Variants in ADAMTS17 observed in about 807,000 individuals in gnomAD.
ADAMTS17 encodes ADAM metallopeptidase with thrombospondin type 1 motif 17, also known as A disintegrin and metalloproteinase with thrombospondin motifs 17.
A neutral mutation model predicts 141.5 loss-of-function variants in ADAMTS17; 113 were observed. That is an observed-to-expected ratio of 0.80 (90% confidence interval 0.69 to 0.93). The LOEUF is 0.93. ADAMTS17 is among the 40% of genes least tolerant of loss of function. The pLI, the probability that ADAMTS17 is intolerant of heterozygous loss-of-function variation, is 0.00. For synonymous variants in ADAMTS17, 768 were observed against 630.6 expected (o/e 1.22, Z -3.27); for missense variants, 1,659 against 1,517.9 (o/e 1.09, Z -1.54).
intron 3 of ADAMTS17, among the ~76,000 whole-genome samples, chr15:100,307,148 C>A (rs1289150593): frequency 6.6e-6 from 1 of 152,174 alleles, no homozygotes; most frequent in African/African-American, 2.4e-5. Context: ...CTTCTGAGGA[C>A]CACACCAAAC....
rs540176800 is a variant in ADAMTS17 at position 100,000,418 on chromosome 15, TC to T, written c.2592-2830del. The stretch of plus-strand genomic sequence containing the variant: ...TTTTCTACTCAGTCACGACTTTTCT[TC>T]CAGAGGACAACATGGCCCAGATGTG... On this transcript the variant is annotated intron_variant, in intron 18 of 21. Coordinates refer to ENST00000268070, the MANE Select transcript of ADAMTS17 (RefSeq NM_139057.4). Among the ~76,000 whole-genome samples the T allele has an allele frequency of 1.1e-3, 165 of 152,294 alleles. 1 individual carries two copies. The highest frequency in any genetic ancestry group is 2.0e-3 in the Non-Finnish European group (137 of 68,022).
chr15:100,149,509 C>T (rs1379132599), intron 10 of ADAMTS17, among the ~76,000 whole-genome samples: 3 of 152,188 alleles, frequency 2.0e-5, no homozygotes. Flanking sequence ...CTGCTTTGAC[C>T]TGAGTCACCC....
chr15:100,056,314 G>A (rs1036985214), intron 15 of ADAMTS17, among the ~76,000 whole-genome samples: 1 of 152,258 alleles, frequency 6.6e-6, no homozygotes, highest in South Asian at 2.1e-4. Flanking sequence ...GTGTGGGCTG[G>A]TGGGAAGGAG....
At chr15:100,316,814 T>C (rs955511636) in intron 3 of ADAMTS17, among the ~76,000 whole-genome samples, 3 of 152,184 alleles carry the variant, frequency 2.0e-5, no homozygotes, top group Non-Finnish European at 2.9e-5. Context: ...TGAGGAAAGG[T>C]AGGAATAGGA....
chr15:100,144,454 G>T (rs533940276), intron 10 of ADAMTS17, among the ~76,000 whole-genome samples: 1 of 152,070 alleles, frequency 6.6e-6, no homozygotes, highest in South Asian at 2.1e-4. Flanking sequence ...TGAGGCTGAC[G>T]CAGGAGAATC....
At chr15:100,248,051 G>A (rs2043040016) in intron 7 of ADAMTS17, among the ~76,000 whole-genome samples, 2 of 151,956 alleles carry the variant, frequency 1.3e-5, no homozygotes, top group Admixed American at 6.6e-5. Flanking sequence ...AAAGCCATGG[G>A]ACCCTCAAGC....
intron 18 of ADAMTS17, among the ~76,000 whole-genome samples, chr15:99,998,863 G>C (rs983368308): frequency 6.6e-6 from 1 of 152,076 alleles, no homozygotes; most frequent in Non-Finnish European, 1.5e-5. Context: ...CCAAGAGTTC[G>C]CCACCTGACA....
At chr15:100,011,864 T>C (rs1314716263) in intron 18 of ADAMTS17, among the ~76,000 whole-genome samples, 1 of 152,264 alleles carries the variant, frequency 6.6e-6, no homozygotes, top group Non-Finnish European at 1.5e-5. Context: ...AACATGCAAG[T>C]ATCTTTCTTG....
At chr15:100,010,608 G>A (rs1027325093) in intron 18 of ADAMTS17, among the ~76,000 whole-genome samples, 1 of 152,228 alleles carries the variant, frequency 6.6e-6, no homozygotes, top group Non-Finnish European at 1.5e-5. Context: ...GTTCCTGTCT[G>A]CCTGAGACTG....
chr15:100,333,376 A>G (rs2046112935), intron 2 of ADAMTS17, among the ~76,000 whole-genome samples: 1 of 152,116 alleles, frequency 6.6e-6, no homozygotes, highest in Admixed American at 6.5e-5. Context: ...CCGGCTACCT[A>G]TTGTTATGAT....
chr15:100,050,619 T>C (rs60930928), intron 17 of ADAMTS17, among the ~76,000 whole-genome samples: 9,574 of 152,296 alleles, frequency 0.063, 948 homozygotes, highest in African/African-American at 0.21. Flanking sequence ...ATCCCTTAAA[T>C]GGTAAGCAAT....
intron 3 of ADAMTS17, among the ~76,000 whole-genome samples, chr15:100,296,525 T>A (rs1021635663): frequency 1.2e-4 from 18 of 152,116 alleles, no homozygotes; most frequent in Non-Finnish European, 2.6e-4. Context: ...TCATGTAAAT[T>A]CCTTACAAAG....
intron 7 of ADAMTS17, among the ~76,000 whole-genome samples, chr15:100,239,076 C>T (rs375176451): frequency 3.2e-4 from 48 of 152,280 alleles, no homozygotes; most frequent in African/African-American, 8.9e-4. Flanking sequence ...GGCAACAGAG[C>T]GAGACTCCGT....
intron 12 of ADAMTS17, chr15:100,126,448 G>A (rs1009417980): frequency 2.6e-5 from 4 of 152,218 alleles, no homozygotes; most frequent in Non-Finnish European, 5.9e-5. Flanking sequence ...ACAAGGCTGG[G>A]TTCTGTGTTG....
At chr15:100,108,451 G>A (rs1349035861) in intron 14 of ADAMTS17, among the ~76,000 whole-genome samples, 1 of 152,164 alleles carries the variant, frequency 6.6e-6, no homozygotes, top group Non-Finnish European at 1.5e-5. Flanking sequence ...TGGGATTATA[G>A]GCATGAGCCA....
At chr15:100,194,544 T>C (rs1392618548) in intron 8 of ADAMTS17, among the ~76,000 whole-genome samples, 3 of 152,204 alleles carry the variant, frequency 2.0e-5, no homozygotes, top group Admixed American at 6.5e-5. Flanking sequence ...CTGGGTTTTA[T>C]TTTTGCTTTT....
chr15:99,977,401 ATTTTTTTTTT>A (rs71151928), intron 20 of ADAMTS17, among the ~76,000 whole-genome samples: 68 of 5,126 alleles, frequency 0.013, no homozygotes, highest in African/African-American at 0.036. Context: ...TATATATATA[ATTTTTTTTTT>A]TTTTTTTTTT....
intron 21 of ADAMTS17, 21 bp from the exon 22 acceptor site, chr15:99,974,583 A>T (rs754906730): frequency 1.2e-6 from 2 of 1,614,146 alleles, no homozygotes; most frequent in South Asian, 2.2e-5. Flanking sequence ...AGGAGAGAGA[A>T]TACCCAGGGT....
intron 15 of ADAMTS17, 94 bp downstream of exon 15, chr15:100,096,262 T>G: frequency 6.3e-7 from 1 of 1,593,400 alleles, no homozygotes; most frequent in South Asian, 1.1e-5. Flanking sequence ...CATCTAGCCC[T>G]TAAATATGAA....
Sources: allele counts gnomAD v4.1 joint callset (sites outside exome capture counted in the v4.1 genomes callset), GRCh38; gene constraint gnomAD v4.1.1; transcripts MANE v1.5; gene names NCBI Gene and HGNC (gene_info 2026-07-23, HGNC 2026-07-21).